XRCC4: variants seen among roughly 807,000 people sequenced by gnomAD.
The protein encoded by XRCC4 is DNA repair protein XRCC4.
Under a neutral mutation model 39.1 loss-of-function variants are expected in XRCC4, and 28 were observed. The ratio of observed to expected loss-of-function variants is 0.72; its 90% CI spans 0.53 to 0.98. The LOEUF (loss-of-function observed/expected upper bound fraction) is 0.98. Among genes scored for constraint, XRCC4 ranks in the 50% least tolerant of loss-of-function variants. XRCC4 has a pLI of 0.00. For synonymous variants in XRCC4, 123 were observed against 126.4 expected, an observed-to-expected ratio of 0.97 and a Z score of 0.18; for missense variants, 350 against 376.4, an observed-to-expected ratio of 0.93 and a Z score of 0.58.
At chr5:83,295,478 T>C (rs1420783814) in intron 7 of XRCC4, among the ~76,000 whole-genome samples, 1 of 152,018 alleles carries the variant, frequency 6.6e-6, no homozygotes, top group Non-Finnish European at 1.5e-5. Context: ...TGATATGTGC[T>C]ATGAGGGAAA....
At chr5:83,206,794 A>G (rs1751439531) in intron 6 of XRCC4, among the ~76,000 whole-genome samples, 1 of 152,146 alleles carries the variant, frequency 6.6e-6, no homozygotes, top group Non-Finnish European at 1.5e-5. Flanking sequence ...TAAAAATATA[A>G]GTGGATGGGA....
rs574747230 is a variant in XRCC4 at position 83,239,828 on chromosome 5, CA to C, written c.746-18688del. ...TGGGTGACAGAGCAAGACTCTGTCT[CA>C]AAAAAAAAAAAAATATTTTTCCTTT... is the stretch of plus-strand genomic sequence containing the variant. On this transcript the variant is annotated intron_variant, in intron 6 of 7. Transcript: ENST00000396027. Among the ~76,000 whole-genome samples the C allele has an allele frequency of 9.5e-3, 1,151 of 121,216 alleles. 5 individuals are homozygous for C. The highest frequency in any genetic ancestry group is 0.023 in the African/African-American group (784 of 33,606). 79.5% of individuals were successfully genotyped at this position (121,216 alleles called of 152,430 possible).
At chr5:83,208,777 A>G (rs893960124) in intron 6 of XRCC4, among the ~76,000 whole-genome samples, 1 of 151,974 alleles carries the variant, frequency 6.6e-6, no homozygotes, top group East Asian at 1.9e-4. Context: ...TACATTTTAT[A>G]TTTTTCCATA....
chr5:83,183,116 C>T (rs1412576195), intron 3 of XRCC4, among the ~76,000 whole-genome samples: 5 of 152,056 alleles, frequency 3.3e-5, no homozygotes, highest in Non-Finnish European at 7.4e-5. Flanking sequence ...TATAAAAATC[C>T]AGCACCATTC....
chr5:83,100,240 T>C (rs1245561797), intron 1 of XRCC4, among the ~76,000 whole-genome samples: 3 of 152,144 alleles, frequency 2.0e-5, no homozygotes, highest in African/African-American at 2.4e-5. Context: ...TACTAAATAA[T>C]AGAATCTTTA....
chr5:83,372,582 A>AAT, the XRCC4 span, among the ~76,000 whole-genome samples: 1 of 152,182 alleles, frequency 6.6e-6, no homozygotes, highest in Non-Finnish European at 1.5e-5. Flanking sequence ...CTAAATAAAT[A>AAT]ATATGTCATA....
At chr5:83,244,562 T>A (rs1753029352) in intron 6 of XRCC4, among the ~76,000 whole-genome samples, 1 of 100,168 alleles carries the variant, frequency 1.0e-5, no homozygotes, top group Non-Finnish European at 2.0e-5. Flanking sequence ...ATGCATCCAA[T>A]GACTTATGAT....
intron 7 of XRCC4, among the ~76,000 whole-genome samples, chr5:83,262,490 C>T (rs1753787347): frequency 6.6e-6 from 1 of 151,936 alleles, no homozygotes; most frequent in Admixed American, 6.6e-5. Context: ...TTTATTTTGA[C>T]TCAATATACA....
At chr5:83,194,226 G>A (rs1038032424) in intron 3 of XRCC4, among the ~76,000 whole-genome samples, 3 of 152,228 alleles carry the variant, frequency 2.0e-5, no homozygotes, top group African/African-American at 7.2e-5. Flanking sequence ...GATTACAGGA[G>A]TGAGCCACTG....
intron 7 of XRCC4, among the ~76,000 whole-genome samples, chr5:83,344,122 C>T (rs1347088612): frequency 7.9e-6 from 1 of 126,224 alleles, no homozygotes; most frequent in African/African-American, 3.1e-5. Flanking sequence ...GATACACTGA[C>T]ACAGATCTCA....
intron 3 of XRCC4, among the ~76,000 whole-genome samples, chr5:83,147,116 C>T (rs1287199452): frequency 6.6e-6 from 1 of 152,092 alleles, no homozygotes; most frequent in Non-Finnish European, 1.5e-5. Context: ...TTAGTATCAT[C>T]GTGTTTTAAA....
intron 6 of XRCC4, among the ~76,000 whole-genome samples, chr5:83,207,130 G>T (rs1045979785): frequency 6.6e-6 from 1 of 152,060 alleles, no homozygotes; most frequent in African/African-American, 2.4e-5. Flanking sequence ...AAGATAATTT[G>T]TACTCTTTCC....
chr5:83,199,317 A>G (rs1264082735), intron 4 of XRCC4, among the ~76,000 whole-genome samples: 1 of 152,116 alleles, frequency 6.6e-6, no homozygotes, highest in Non-Finnish European at 1.5e-5. Context: ...GTTGAAGGCC[A>G]TTTCCTCTTG....
intron 6 of XRCC4, among the ~76,000 whole-genome samples, chr5:83,223,615 A>T: frequency 6.6e-6 from 1 of 151,036 alleles, no homozygotes; most frequent in African/African-American, 2.4e-5. Flanking sequence ...AGTCTGTATG[A>T]CCTTACAGAT....
In XRCC4 at chr5:83,255,687, A is replaced by G. The variant is rs981007610; in HGVS notation, c.746-2843A>G. Among the ~76,000 whole-genome samples the G allele has an allele frequency of 1.4e-4, 21 of 152,190 alleles. 1 individual carries two copies. Among genetic ancestry groups the G allele is most frequent in the Non-Finnish European group, 1.5e-5 (1 of 68,028 alleles). ...AAATATTTACTTGTAAGTAAGCACA[A>G]AATAATTCATGAACCTGTCCTATAG... On this transcript the variant is annotated intron_variant, in intron 6 of 7. Transcript: ENST00000396027.
intron 3 of XRCC4, among the ~76,000 whole-genome samples, chr5:83,147,160 A>G (rs1287271745): frequency 1.3e-5 from 2 of 152,134 alleles, no homozygotes; most frequent in Non-Finnish European, 2.9e-5. Flanking sequence ...GTGGTGATGG[A>G]CACCTGTAGT....
rs575738139 is a variant in XRCC4 at position 83,130,411 on chromosome 5, A to G, written c.315+19208A>G. The stretch of plus-strand genomic sequence containing the variant: ...ATTTTTGCATCGATATTCTTCAGGG[A>G]TATTGGTCTAAAATTGTCTTTTTTT... On this transcript the variant is annotated intron_variant, in intron 3 of 7. Coordinates refer to ENST00000396027, the MANE Select transcript of XRCC4 (RefSeq NM_003401.5). Among the ~76,000 whole-genome samples the G allele has an allele frequency of 3.3e-5, 5 of 152,110 alleles. No homozygotes were observed. The South Asian group carries it at 1.0e-3, about 32-fold the overall frequency.
intron 6 of XRCC4, among the ~76,000 whole-genome samples, chr5:83,223,388 G>T (rs1406361703): frequency 6.6e-6 from 1 of 151,986 alleles, no homozygotes; most frequent in African/African-American, 2.4e-5. Flanking sequence ...ATATTTGGGT[G>T]CTGTGGTGTT....
intron 7 of XRCC4, among the ~76,000 whole-genome samples, chr5:83,275,531 G>C (rs1486825456): frequency 6.6e-6 from 1 of 151,984 alleles, no homozygotes; most frequent in Non-Finnish European, 1.5e-5. Flanking sequence ...TCCTGACCTC[G>C]TGATCCGCCC....
Sources: gnomAD v4.1 joint callset for allele counts (sites outside exome capture counted in the v4.1 genomes callset) on GRCh38, gnomAD v4.1.1 for gene constraint, MANE v1.5 for transcripts, NCBI Gene and HGNC (gene_info 2026-07-23, HGNC 2026-07-21) for gene names.